RGP1: variants seen among roughly 807,000 people sequenced by gnomAD.
RGP1 encodes the protein RGP1 partner of RAB6A GEF complex.
A neutral mutation model predicts 44.5 loss-of-function variants in RGP1; 28 were observed. The ratio of observed to expected loss-of-function variants is 0.63; its 90% CI spans 0.47 to 0.86. The LOEUF is 0.86. RGP1 is among the 40% of genes least tolerant of loss of function. The pLI is 0.00. For missense variants in RGP1, 417 were observed against 490.7 expected, an observed-to-expected ratio of 0.85 and a Z score of 1.42; for synonymous variants, 212 against 196.7, an observed-to-expected ratio of 1.08 and a Z score of -0.65.
In RGP1 at chr9:35,753,322, G is replaced by A. The variant is rs1351459643; in HGVS notation, c.*448G>A. On this transcript the variant is annotated 3_prime_UTR_variant, in exon 9 of 9. Coordinates refer to ENST00000378078, the MANE Select transcript of RGP1 (RefSeq NM_001080496.3). This position sits in a 1 kb window ranked among gnomAD's most constrained non-coding sequence, Gnocchi z 4.2. ...AGGGGAAGGAGTCAGCACAGTGAAA[G>A]GCTGCCTTTATCCCTGCCCACATGT... The A allele has an allele frequency of 6.3e-7, 1 of 1,593,104 alleles. No homozygotes were observed. The highest frequency in any genetic ancestry group is 8.5e-7 in the Non-Finnish European group (1 of 1,169,832).
chr9:35,762,852 A>T (rs189682345), downstream of RGP1, among the ~76,000 whole-genome samples: 2 of 151,712 alleles, frequency 1.3e-5, no homozygotes, highest in African/African-American at 4.9e-5. Context: ...AAAAAAAAAA[A>T]CAGTTCTGCT....
the RGP1 span, among the ~76,000 whole-genome samples, chr9:35,774,339 C>T: frequency 6.6e-6 from 1 of 152,170 alleles, no homozygotes; most frequent in Admixed American, 6.5e-5. Context: ...GCTGGATGAC[C>T]CGGTAGGCAG....
chr9:35,769,906 A>C, the RGP1 span, among the ~76,000 whole-genome samples: 1 of 152,182 alleles, frequency 6.6e-6, no homozygotes, highest in Non-Finnish European at 1.5e-5. Context: ...ATTAACTTAA[A>C]AATTTTAATG....
chr9:35,775,650 T>A, the RGP1 span, among the ~76,000 whole-genome samples: 1 of 152,230 alleles, frequency 6.6e-6, no homozygotes, highest in South Asian at 2.1e-4. Flanking sequence ...TTAAGGATAT[T>A]GAACTAAGTT....
At chr9:35,772,723 G>A in the RGP1 span, among the ~76,000 whole-genome samples, 3 of 151,372 alleles carry the variant, frequency 2.0e-5, no homozygotes, top group African/African-American at 4.9e-5. Flanking sequence ...CCTGGGAGGC[G>A]GAGCTTGCAG....
chr9:35,776,404 C>T, the RGP1 span, among the ~76,000 whole-genome samples: 24 of 151,856 alleles, frequency 1.6e-4, no homozygotes, highest in Admixed American at 1.6e-3. Context: ...CTCCTGCCCT[C>T]AGCCTCCCGA....
chr9:35,786,663 A>G, the RGP1 span: 2 of 152,228 alleles, frequency 1.3e-5, no homozygotes, highest in Non-Finnish European at 2.9e-5. Context: ...TTGGCCATCT[A>G]TGAAACAATT....
chr9:35,754,073 C>G lies in RGP1; in HGVS notation c.*1199C>G, dbSNP rs751984313. 1 of 1,613,456 alleles carries G rather than the reference C, an allele frequency of 6.2e-7. No individual in the cohort carries two copies. The highest frequency in any genetic ancestry group is 1.3e-5 in the African/African-American group (1 of 74,868). On this transcript the variant is annotated 3_prime_UTR_variant, in exon 9 of 9. Coordinates refer to ENST00000378078, the MANE Select transcript of RGP1 (RefSeq NM_001080496.3). Reference sequence around the variant, plus strand: ...GTAGAGACATCACCAAGCAGATGATCCCCCAGCCTCCTAGGATCCCCTTGG... The same window carrying G: ...GTAGAGACATCACCAAGCAGATGATGCCCCAGCCTCCTAGGATCCCCTTGG...
Position 35,749,813 on chromosome 9 carries a change from C to T in RGP1, c.58C>T (p.Leu20=), listed in dbSNP as rs374629923. The change falls in exon 2 of 9, where the codon CTG becomes TTG. Residue 20 remains leucine, a synonymous_variant. Coordinates refer to ENST00000378078, the MANE Select transcript of RGP1 (RefSeq NM_001080496.3). This position sits in a 1 kb window ranked among gnomAD's most constrained non-coding sequence, Gnocchi z 4.4. ...RGPVFLAGEA[L]ECVVTVTNPL... ...TCCTGTATTTTTGGCTGGGGAGGCG[C>T]TGGAGTGTGTAGTGACCGTCACCAA... 3.1e-6 allele frequency: 5 copies of T among 1,613,872 alleles called. No individual in the cohort carries two copies. In the African/African-American group the frequency reaches 6.7e-5, roughly 22 times the overall value.
chr9:35,769,720 T>C, the RGP1 span, among the ~76,000 whole-genome samples: 282 of 151,490 alleles, frequency 1.9e-3, 1 homozygote, highest in Non-Finnish European at 2.7e-3. Flanking sequence ...GTGTCTAGAG[T>C]GTAGAGGATG....
the RGP1 span, among the ~76,000 whole-genome samples, chr9:35,778,455 C>T: frequency 6.6e-6 from 1 of 152,224 alleles, no homozygotes; most frequent in Non-Finnish European, 1.5e-5. Flanking sequence ...CTGGCCCCTT[C>T]TCTAAAGTCC....
downstream of RGP1, among the ~76,000 whole-genome samples, chr9:35,760,745 A>G (rs1173342426): frequency 1.3e-5 from 2 of 152,052 alleles, no homozygotes; most frequent in Non-Finnish European, 2.9e-5. Context: ...ATTCTGCCCT[A>G]GGCTTGACCC....
chr9:35,774,528 C>A, the RGP1 span, among the ~76,000 whole-genome samples: 1 of 152,092 alleles, frequency 6.6e-6, no homozygotes, highest in South Asian at 2.1e-4. Context: ...GAGATAGAGA[C>A]CATCCTGGCT....
At chr9:35,769,779 G>C in the RGP1 span, among the ~76,000 whole-genome samples, 1 of 152,284 alleles carries the variant, frequency 6.6e-6, no homozygotes, top group East Asian at 1.9e-4. Flanking sequence ...GCAGGGACCT[G>C]ACCATGGGGC....
the RGP1 span, among the ~76,000 whole-genome samples, chr9:35,785,154 T>C: frequency 5.9e-5 from 9 of 152,218 alleles, no homozygotes; most frequent in African/African-American, 2.2e-4. Flanking sequence ...GGGAGGGTTG[T>C]TGTCAGCACA....
downstream of RGP1, among the ~76,000 whole-genome samples, chr9:35,763,104 A>G (rs879940634): frequency 2.6e-5 from 4 of 152,136 alleles, no homozygotes; most frequent in Admixed American, 2.6e-4. Flanking sequence ...CCAGAATCTC[A>G]TTTCTTCTAA....
Position 35,751,964 on chromosome 9 carries a change from CA to C in RGP1, c.772del (p.Ser258AlafsTer27), listed in dbSNP as rs1485597607. 6.4e-7 allele frequency: 1 copy of C among 1,569,392 alleles called. No homozygotes were observed. Among genetic ancestry groups the C allele is most frequent in the Admixed American group, 1.8e-5 (1 of 54,838 alleles). On this transcript the variant is annotated frameshift_variant, in exon 8 of 9. Coordinates refer to ENST00000378078, the MANE Select transcript of RGP1 (RefSeq NM_001080496.3). LOFTEE classifies it high-confidence loss of function. ...GTVACLQFSV[S>X]LQTEERVQPE... is the part of the protein sequence containing the mutation. ...CTGTCTCTTGCTCCCAGTTTTCAGTCAGCTTACAGACCGAGGAGCGTGTACA... is the reference window on the plus strand; with the variant it reads ...CTGTCTCTTGCTCCCAGTTTTCAGTCGCTTACAGACCGAGGAGCGTGTACA...
intron 3 of RGP1, 88 bp downstream of exon 3, chr9:35,750,467 T>A: frequency 1.3e-6 from 2 of 1,482,404 alleles, no homozygotes; most frequent in Non-Finnish European, 1.9e-6. Flanking sequence ...TGTTAATTGT[T>A]CTTGTTCTTA....
At chr9:35,779,016 C>A in the RGP1 span, among the ~76,000 whole-genome samples, 2 of 152,118 alleles carry the variant, frequency 1.3e-5, no homozygotes, top group South Asian at 4.1e-4. Flanking sequence ...TTCATATAAC[C>A]TTCCCTTCAT....
Sources: gnomAD v4.1 joint callset for allele counts (sites outside exome capture counted in the v4.1 genomes callset) on GRCh38, gnomAD v4.1.1 for gene constraint, Gnocchi (gnomAD v3.1) non-coding constraint, MANE v1.5 for transcripts, NCBI Gene and HGNC (gene_info 2026-07-23, HGNC 2026-07-21) for gene names.